The following DPYSL3 variants were observed in gnomAD, a reference collection of about 807,000 sequenced individuals.
DPYSL3 encodes the protein dihydropyrimidinase like 3.
Under a neutral mutation model 66.1 loss-of-function variants are expected in DPYSL3, and 16 were observed. The observed-to-expected ratio is 0.24, with a 90% CI of 0.16 to 0.37. The LOEUF (loss-of-function observed/expected upper bound fraction) is 0.37, where lower values mean the gene tolerates loss of function less well. DPYSL3 is among the 10% of genes least tolerant of loss of function. DPYSL3 has a pLI of 1.00. For synonymous variants in DPYSL3, 338 were observed against 345.1 expected, an observed-to-expected ratio of 0.98 and a Z score of 0.23; for missense variants, 738 against 916.2, an observed-to-expected ratio of 0.81 and a Z score of 2.51.
At chr5:147,472,240 C>T (rs575747789) in intron 1 of DPYSL3, among the ~76,000 whole-genome samples, 18 of 152,306 alleles carry the variant, frequency 1.2e-4, no homozygotes, top group African/African-American at 4.3e-4. Flanking sequence ...TTCAGTAATG[C>T]TATGCTCAGT....
At chr5:147,447,796 C>T (rs1393635746) in intron 1 of DPYSL3, among the ~76,000 whole-genome samples, 2 of 152,180 alleles carry the variant, frequency 1.3e-5, no homozygotes, top group Non-Finnish European at 2.9e-5. Context: ...TGAGATCGCG[C>T]CACTGCACTC....
chr5:147,431,943 C>T lies in DPYSL3; in HGVS notation c.382-6980G>A, dbSNP rs575986832. On this transcript the variant is annotated intron_variant, in intron 1 of 13. Coordinates refer to ENST00000343218, the MANE Select transcript of DPYSL3 (RefSeq NM_001197294.2). Reference sequence around the variant, plus strand: ...TACATGGGTGTGTTTCTAGGACCCTCGATGACAAGCATGCCATTGAGACAA... The same window carrying T: ...TACATGGGTGTGTTTCTAGGACCCTTGATGACAAGCATGCCATTGAGACAA... 2.2e-4 allele frequency among the ~76,000 whole-genome samples: 33 copies of T among 152,222 alleles called. No homozygotes were observed. The South Asian group carries it at 5.2e-3, about 24-fold the overall frequency.
rs751063562 is a variant in DPYSL3 at position 147,418,582 on chromosome 5, C to T, written c.520G>A (p.Ala174Thr). 8.7e-6 allele frequency: 14 copies of T among 1,611,010 alleles called. No homozygotes were observed. Among genetic ancestry groups the T allele is most frequent in the Non-Finnish European group, 1.0e-5 (12 of 1,178,298 alleles). Residue 174 changes from alanine (A) to threonine (T), a missense_variant, in exon 3 of 14, where the codon GCC (alanine) becomes ACC (threonine). By Grantham distance (58) the Ala-to-Thr change is moderately conservative. Transcript: ENST00000343218. The part of the protein sequence containing the change: ...IVPGGVKTIE[A>T]NGKMVIPGGI... ...CCAGGGATCACCATCTTCCCATTGG[C>T]TTCAATGGTCTTCACTCCTCCAGGA...
At chr5:147,442,844 C>CA (rs11383280) in intron 1 of DPYSL3, among the ~76,000 whole-genome samples, 77,082 of 148,062 alleles carry the variant, frequency 0.52, 20,029 homozygotes, top group Non-Finnish European at 0.56. Context: ...CAAATATAGT[C>CA]AAAAAAAAAA....
chr5:147,436,266 G>A (rs946015301), intron 1 of DPYSL3, among the ~76,000 whole-genome samples: 3 of 152,184 alleles, frequency 2.0e-5, no homozygotes, highest in Admixed American at 6.5e-5. Context: ...AATGGGATGT[G>A]ATTTAATAAA....
intron 1 of DPYSL3, among the ~76,000 whole-genome samples, chr5:147,477,269 A>G (rs577014848): frequency 6.6e-6 from 1 of 152,326 alleles, no homozygotes; most frequent in Non-Finnish European, 1.5e-5. Context: ...TTAACAGCAG[A>G]TTATTTACAT....
chr5:147,395,596 A>C lies in DPYSL3; in HGVS notation c.1929T>G (p.Pro643=). Residue 643 remains proline, a synonymous_variant, in exon 13 of 14, where the codon CCT becomes CCG. Coordinates refer to ENST00000343218, the MANE Select transcript of DPYSL3 (RefSeq NM_001197294.2). ...ATCCCGACTGATGAAGATTCCTCAC[A>C]GGTGGGTTCGGCCGAGTAGGAGAGC... ...ARGSPTRPNP[P]VRNLHQSGFS... 6.2e-7 allele frequency: 1 copy of C among 1,613,814 alleles called. No individual in the cohort carries two copies. Among genetic ancestry groups the C allele is most frequent in the Middle Eastern group, 1.6e-4 (1 of 6,062 alleles).
At chr5:147,443,400 T>A (rs1752570694) in intron 1 of DPYSL3, among the ~76,000 whole-genome samples, 1 of 152,086 alleles carries the variant, frequency 6.6e-6, no homozygotes, top group Admixed American at 6.5e-5. Flanking sequence ...AGACACCGCA[T>A]GTTCTCACTT....
At position 147,408,811 on chromosome 5, in the gene DPYSL3, G is replaced by GAA. The variant is rs767461791; in HGVS notation, c.964-17_964-16dup. On this transcript the variant is annotated splice_polypyrimidine_tract_variant and intron_variant, in intron 6 of 13. Transcript: ENST00000343218. ...CGGGTTTGCTCCTGAAATGAAAAAA[G>GAA]AAAATAGTTCTTCAATAAGCTCAAG... The GAA allele has an allele frequency of 2.4e-5, 38 of 1,613,838 alleles. No individual in the cohort carries two copies. The highest frequency in any genetic ancestry group is 2.9e-5 in the Non-Finnish European group (34 of 1,179,932).
chr5:147,398,976 C>T (rs745315056), intron 11 of DPYSL3, 106 bp downstream of exon 11: 70 of 1,424,950 alleles, frequency 4.9e-5, no homozygotes, highest in Non-Finnish European at 6.4e-5. Flanking sequence ...TATTGCAACC[C>T]GTCCTAGTCT....
intron 1 of DPYSL3, among the ~76,000 whole-genome samples, chr5:147,491,471 G>A (rs1177817319): frequency 6.6e-6 from 1 of 152,130 alleles, no homozygotes; most frequent in Non-Finnish European, 1.5e-5. Flanking sequence ...GCTATGGCAG[G>A]AATGTTGGAA....
chr5:147,471,395 T>C (rs1284096927), intron 1 of DPYSL3, among the ~76,000 whole-genome samples: 1 of 152,228 alleles, frequency 6.6e-6, no homozygotes, highest in African/African-American at 2.4e-5. Context: ...TGAGGCTATA[T>C]TGTGATTCTC....
rs534572956 is a variant in DPYSL3 at position 147,494,621 on chromosome 5, T to G, written c.381+14857A>C. Reference sequence around the variant, plus strand: ...TGGCTCACACCTGTAATCCCAGCACTTTGGGAGGCCGAGGCGGGCAGATCA... The same window carrying G: ...TGGCTCACACCTGTAATCCCAGCACGTTGGGAGGCCGAGGCGGGCAGATCA... On this transcript the variant is annotated intron_variant, in intron 1 of 13. Coordinates refer to ENST00000343218, the MANE Select transcript of DPYSL3 (RefSeq NM_001197294.2). Among the ~76,000 whole-genome samples, 278 of 150,612 alleles carry G rather than the reference T, an allele frequency of 1.8e-3. 1 individual carries two copies. The highest frequency in any genetic ancestry group is 6.6e-3 in the African/African-American group (269 of 41,060).
chr5:147,463,321 G>T (rs766126901), intron 1 of DPYSL3, among the ~76,000 whole-genome samples: 2 of 152,072 alleles, frequency 1.3e-5, no homozygotes, highest in African/African-American at 2.4e-5. Flanking sequence ...ACAATGAGGA[G>T]ATACTTTCCT....
chr5:147,435,578 G>A (rs2126358108), intron 1 of DPYSL3, among the ~76,000 whole-genome samples: 1 of 152,228 alleles, frequency 6.6e-6, no homozygotes, highest in East Asian at 1.9e-4. Flanking sequence ...CAACTAGGAA[G>A]TTTGACCTTT....
chr5:147,494,709 CAA>C (rs35761170), intron 1 of DPYSL3, among the ~76,000 whole-genome samples: 13 of 83,548 alleles, frequency 1.6e-4, no homozygotes, highest in African/African-American at 4.3e-4. Context: ...ACGAAAAATA[CAA>C]AAAAAAAAAA....
At chr5:147,436,453 T>G (rs1329914847) in intron 1 of DPYSL3, among the ~76,000 whole-genome samples, 2 of 152,200 alleles carry the variant, frequency 1.3e-5, no homozygotes, top group Admixed American at 6.5e-5. Context: ...TATTTTTGTG[T>G]GAGCTGATCT....
At chr5:147,436,478 G>A (rs982919681) in intron 1 of DPYSL3, among the ~76,000 whole-genome samples, 10 of 152,206 alleles carry the variant, frequency 6.6e-5, no homozygotes, top group African/African-American at 2.4e-4. Context: ...GAAAGTTCCA[G>A]AAGGATGCAC....
rs917703300 is a variant in DPYSL3 at position 147,392,273 on chromosome 5, AG to A, written c.*1761del. On this transcript the variant is annotated 3_prime_UTR_variant, in exon 14 of 14. Transcript: ENST00000343218. The stretch of plus-strand genomic sequence containing the variant: ...TAAAATAGCAAGCTTCCCTATTCTA[AG>A]GGGAAATAGTCTTTTTTCATGATTT... 3 of 152,206 alleles carry A rather than the reference AG, an allele frequency of 2.0e-5. No homozygotes were observed. Among genetic ancestry groups the A allele is most frequent in the Non-Finnish European group, 2.9e-5 (2 of 68,028 alleles). 9.4% of individuals were successfully genotyped at this position (152,206 alleles called of 1,614,324 possible).
Sources: gnomAD v4.1 joint callset for allele counts (sites outside exome capture counted in the v4.1 genomes callset) on GRCh38, gnomAD v4.1.1 for gene constraint, MANE v1.5 for transcripts, NCBI Gene and HGNC (gene_info 2026-07-23, HGNC 2026-07-21) for gene names.